The following GPC5 variants were observed in gnomAD, a reference collection of about 807,000 sequenced individuals.
GPC5 encodes glypican-5.
In GPC5, 47 loss-of-function variants were observed where a neutral mutation model predicts 53.9. The observed-to-expected ratio is 0.87, with a 90% CI of 0.69 to 1.11. The LOEUF is 1.11. Among genes scored for constraint, GPC5 ranks in the 50% most tolerant of loss-of-function variants. The pLI, the probability that GPC5 is intolerant of heterozygous loss-of-function variation, is 0.00. For missense variants in GPC5, 748 were observed against 713.1 expected, an observed-to-expected ratio of 1.05 and a Z score of -0.56; for synonymous variants, 286 against 263.3, an observed-to-expected ratio of 1.09 and a Z score of -0.84.
At chr13:92,259,911 A>C (rs1455703094) in intron 7 of GPC5, among the ~76,000 whole-genome samples, 2 of 152,148 alleles carry the variant, frequency 1.3e-5, no homozygotes, top group East Asian at 3.9e-4. Context: ...CCAGGGAAAT[A>C]GTCCTGCCAG....
At chr13:92,410,689 C>A in intron 7 of GPC5, among the ~76,000 whole-genome samples, 1 of 152,162 alleles carries the variant, frequency 6.6e-6, no homozygotes. Context: ...ACTTTTGTTG[C>A]ATATAATATA....
chr13:92,857,851 A>C (rs1218956575), intron 7 of GPC5, among the ~76,000 whole-genome samples: 1 of 152,168 alleles, frequency 6.6e-6, no homozygotes, highest in Non-Finnish European at 1.5e-5. Context: ...AAGAAAAGGG[A>C]ATATTTATAC....
chr13:91,919,669 T>G (rs1370946518), intron 6 of GPC5, among the ~76,000 whole-genome samples: 1 of 152,064 alleles, frequency 6.6e-6, no homozygotes, highest in Non-Finnish European at 1.5e-5. Context: ...GCTTAACTTC[T>G]CGGGCCAACA....
intron 3 of GPC5, among the ~76,000 whole-genome samples, chr13:91,722,471 G>A (rs2036494689): frequency 6.6e-6 from 1 of 152,068 alleles, no homozygotes; most frequent in Admixed American, 6.6e-5. Flanking sequence ...TTATGAATAG[G>A]AATGAAATGC....
intron 2 of GPC5, among the ~76,000 whole-genome samples, chr13:91,555,019 C>G (rs2030864071): frequency 6.6e-6 from 1 of 152,094 alleles, no homozygotes; most frequent in Non-Finnish European, 1.5e-5. Flanking sequence ...CAGTATCTTC[C>G]TTTCTTTTAG....
intron 2 of GPC5, among the ~76,000 whole-genome samples, chr13:91,537,488 C>T (rs868631344): frequency 1.3e-5 from 2 of 152,068 alleles, no homozygotes; most frequent in African/African-American, 4.8e-5. Context: ...GTGTAAAATC[C>T]GAATAGACCT....
At chr13:91,689,200 T>C (rs867215141) in intron 2 of GPC5, among the ~76,000 whole-genome samples, 1 of 107,112 alleles carries the variant, frequency 9.3e-6, no homozygotes, top group East Asian at 3.0e-4. Flanking sequence ...TATATATATA[T>C]ATATATATAT....
At chr13:91,772,236 A>G (rs779518450) in intron 5 of GPC5, among the ~76,000 whole-genome samples, 13 of 152,182 alleles carry the variant, frequency 8.5e-5, no homozygotes, top group Non-Finnish European at 1.5e-4. Flanking sequence ...TGAATGATTT[A>G]CTGTATTTTA....
intron 7 of GPC5, among the ~76,000 whole-genome samples, chr13:92,479,343 A>C (rs375024500): frequency 6.6e-6 from 1 of 152,220 alleles, no homozygotes; most frequent in Admixed American, 6.5e-5. Flanking sequence ...AGCCTTTATC[A>C]TAGAAGCAAG....
chr13:92,494,527 T>C (rs1879895957), intron 7 of GPC5, among the ~76,000 whole-genome samples: 1 of 152,214 alleles, frequency 6.6e-6, no homozygotes, highest in Non-Finnish European at 1.5e-5. Flanking sequence ...TATTTGCAAA[T>C]TTTTCTTTTC....
intron 7 of GPC5, among the ~76,000 whole-genome samples, chr13:92,170,617 G>A (rs890777106): frequency 1.3e-5 from 2 of 151,624 alleles, no homozygotes; most frequent in Non-Finnish European, 2.9e-5. Context: ...TAGAAACGGG[G>A]TTTCACCATG....
intron 7 of GPC5, among the ~76,000 whole-genome samples, chr13:92,466,903 A>T (rs1878712896): frequency 6.6e-6 from 1 of 152,108 alleles, no homozygotes; most frequent in Non-Finnish European, 1.5e-5. Context: ...TCTGAAAATG[A>T]GGCAGATTAC....
chr13:91,943,594 C>T (rs2039948044), intron 6 of GPC5, among the ~76,000 whole-genome samples: 2 of 152,136 alleles, frequency 1.3e-5, no homozygotes, highest in Non-Finnish European at 2.9e-5. Context: ...AGGTTGATCA[C>T]AAAATGTTGC....
At chr13:91,860,027 A>G (rs1472888157) in intron 5 of GPC5, among the ~76,000 whole-genome samples, 1 of 152,118 alleles carries the variant, frequency 6.6e-6, no homozygotes, top group Non-Finnish European at 1.5e-5. Context: ...GATGGTAATT[A>G]GCATATCCAT....
chr13:92,761,844 C>A (rs569552037), intron 7 of GPC5, among the ~76,000 whole-genome samples: 1 of 152,142 alleles, frequency 6.6e-6, no homozygotes, highest in South Asian at 2.1e-4. Flanking sequence ...CTTCTAGCAG[C>A]TTTCCCCACA....
Position 91,865,206 on chromosome 13 carries a change from G to A in GPC5, c.1281-42731G>A, listed in dbSNP as rs548805062. On this transcript the variant is annotated intron_variant, in intron 5 of 7. Coordinates refer to ENST00000377067, the MANE Select transcript of GPC5 (RefSeq NM_004466.6). Reference sequence around the variant, plus strand: ...TTAGAGGTGTGAGCCACCGCACCTGGCCTGTTTTTGTCTTAATTTTCAAAG... The same window carrying A: ...TTAGAGGTGTGAGCCACCGCACCTGACCTGTTTTTGTCTTAATTTTCAAAG... Among the ~76,000 whole-genome samples the A allele has an allele frequency of 2.0e-4, 30 of 152,140 alleles. No homozygotes were observed. The South Asian group carries it at 3.5e-3, about 18-fold the overall frequency.
intron 3 of GPC5, among the ~76,000 whole-genome samples, chr13:91,725,784 G>A (rs1406342751): frequency 6.6e-6 from 1 of 152,168 alleles, no homozygotes; most frequent in African/African-American, 2.4e-5. Context: ...GGGACAGGAT[G>A]AGATAAGATT....
rs540221267 is a variant in GPC5, at chr13:92,432,735, T to C, written c.1561+287746T>C. On this transcript the variant is annotated intron_variant, in intron 7 of 7. Transcript: ENST00000377067. ...GTTTACTTTTTTTAAGTTAGAGAAGTCTTGGAAAGCAGTAGGTTTAGTATG... is the reference window on the plus strand; with the variant it reads ...GTTTACTTTTTTTAAGTTAGAGAAGCCTTGGAAAGCAGTAGGTTTAGTATG... Among the ~76,000 whole-genome samples the C allele has an allele frequency of 7.2e-5, 11 of 152,094 alleles. No homozygotes were observed. The South Asian group carries it at 2.3e-3, about 32-fold the overall frequency.
At chr13:92,503,167 A>G (rs563886139) in intron 7 of GPC5, among the ~76,000 whole-genome samples, 1 of 152,074 alleles carries the variant, frequency 6.6e-6, no homozygotes, top group African/African-American at 2.4e-5. Flanking sequence ...CTTGGCTTTT[A>G]GTGTAACTAT....
Sources: allele counts gnomAD v4.1 joint callset (sites outside exome capture counted in the v4.1 genomes callset), GRCh38; gene constraint gnomAD v4.1.1; transcripts MANE v1.5; gene names NCBI Gene and HGNC (gene_info 2026-07-23, HGNC 2026-07-21).